The following GPC5 variants were observed in gnomAD, a reference collection of about 807,000 sequenced individuals.
GPC5 encodes glypican 5.
In GPC5, 47 loss-of-function variants were observed where a neutral mutation model predicts 53.9. The ratio of observed to expected loss-of-function variants is 0.87; its 90% CI spans 0.69 to 1.11. The LOEUF (loss-of-function observed/expected upper bound fraction) is 1.11, where lower values mean the gene tolerates loss of function less well. GPC5 is among the 50% of genes most tolerant of loss of function. The probability of loss-of-function intolerance (pLI) is 0.00; values close to 1 mark genes in which losing one functional copy is unlikely to be tolerated. For synonymous variants in GPC5, 286 were observed against 263.3 expected (o/e 1.09, Z -0.84); for missense variants, 748 against 713.1 (o/e 1.05, Z -0.56).
chr13:92,635,293 T>C (rs1487924631), intron 7 of GPC5, among the ~76,000 whole-genome samples: 2 of 152,232 alleles, frequency 1.3e-5, no homozygotes, highest in African/African-American at 4.8e-5. Flanking sequence ...CAGCCCATGT[T>C]ATGCTGCTAT....
intron 7 of GPC5, among the ~76,000 whole-genome samples, chr13:92,429,001 T>TG (rs1036922061): frequency 6.6e-6 from 1 of 152,026 alleles, no homozygotes; most frequent in Non-Finnish European, 1.5e-5. Flanking sequence ...TGGCTAGCTT[T>TG]GGGGGGACAA....
intron 3 of GPC5, among the ~76,000 whole-genome samples, chr13:91,710,561 G>A (rs771851198): frequency 2.0e-5 from 3 of 152,112 alleles, no homozygotes; most frequent in Non-Finnish European, 4.4e-5. Flanking sequence ...ATTCTAAATA[G>A]CTCTGGGAGT....
intron 6 of GPC5, among the ~76,000 whole-genome samples, chr13:92,017,956 C>T (rs1000892628): frequency 2.0e-5 from 3 of 151,604 alleles, no homozygotes; most frequent in Non-Finnish European, 2.9e-5. Flanking sequence ...TACACATGCA[C>T]GAGTACATAC....
chr13:92,223,574 G>A (rs1852537011), intron 7 of GPC5, among the ~76,000 whole-genome samples: 1 of 151,178 alleles, frequency 6.6e-6, no homozygotes, highest in Non-Finnish European at 1.5e-5. Context: ...TAGAAAGTAT[G>A]TTTCAAGTGA....
intron 2 of GPC5, among the ~76,000 whole-genome samples, chr13:91,537,464 C>T (rs1886644203): frequency 6.6e-6 from 1 of 152,028 alleles, no homozygotes; most frequent in East Asian, 1.9e-4. Context: ...TGCAAGCTAC[C>T]AAAATTTAGT....
intron 6 of GPC5, among the ~76,000 whole-genome samples, chr13:92,046,445 A>G (rs1388313278): frequency 2.0e-5 from 3 of 152,190 alleles, no homozygotes; most frequent in Non-Finnish European, 2.9e-5. Context: ...AGGAGTTTCA[A>G]TTGGATACTA....
At chr13:92,644,121 A>G (rs994803285) in intron 7 of GPC5, among the ~76,000 whole-genome samples, 3 of 152,184 alleles carry the variant, frequency 2.0e-5, no homozygotes, top group Admixed American at 6.6e-5. Context: ...GATTTTTAAG[A>G]AAGTGTGCAC....
chr13:91,493,885 TTTTA>T (rs1884079461), intron 2 of GPC5, among the ~76,000 whole-genome samples: 1 of 151,860 alleles, frequency 6.6e-6, no homozygotes, highest in African/African-American at 2.4e-5. Flanking sequence ...TTCTATTTTT[TTTTA>T]TTTAAGACAG....
intron 5 of GPC5, among the ~76,000 whole-genome samples, chr13:91,851,787 G>A (rs1052710879): frequency 1.3e-4 from 19 of 141,516 alleles, no homozygotes; most frequent in Non-Finnish European, 2.7e-4. Context: ...TACTGAGAAT[G>A]ATGATTTCCA....
intron 2 of GPC5, among the ~76,000 whole-genome samples, chr13:91,501,680 A>C (rs1361426258): frequency 6.6e-6 from 1 of 152,162 alleles, no homozygotes; most frequent in Non-Finnish European, 1.5e-5. Context: ...AGTCTTTGCT[A>C]TTGTGAATAA....
chr13:92,858,793 C>T (rs1183729989), intron 7 of GPC5, among the ~76,000 whole-genome samples: 1 of 151,842 alleles, frequency 6.6e-6, no homozygotes, highest in African/African-American at 2.4e-5. Context: ...CACATGTACC[C>T]CATGAAACTA....
chr13:91,756,253 T>C (rs2037289798), intron 4 of GPC5, 42 bp from the exon 5 acceptor site: 2 of 1,431,506 alleles, frequency 1.4e-6, no homozygotes, highest in African/African-American at 1.4e-5. Flanking sequence ...GCCTTTATTG[T>C]GGATGTTTGG....
chr13:92,201,418 T>TCATAGAAGATATCTTTAAAA (rs1409421196), intron 7 of GPC5, among the ~76,000 whole-genome samples: 1 of 152,224 alleles, frequency 6.6e-6, no homozygotes, highest in Non-Finnish European at 1.5e-5. Context: ...GGTTCAACTG[T>TCATAGAAGATATCTTTAAAA]CATAGAAGAT....
At chr13:91,748,233 TC>T (rs2037094629) in intron 4 of GPC5, among the ~76,000 whole-genome samples, 1 of 152,222 alleles carries the variant, frequency 6.6e-6, no homozygotes, top group Admixed American at 6.5e-5. Flanking sequence ...TATTAATGTG[TC>T]ACTACATATT....
rs370081485 is a variant in GPC5 at position 92,342,443 on chromosome 13, G to C, written c.1561+197454G>C. ...AATGTGGGGTCTTTGGGAGGTGTTT[G>C]AGTCATGAGTCCTCCGCCCTCATGA... is the stretch of plus-strand genomic sequence containing the variant. On this transcript the variant is annotated intron_variant, in intron 7 of 7. Transcript: ENST00000377067. Among the ~76,000 whole-genome samples, 25 of 152,148 alleles carry C rather than the reference G, an allele frequency of 1.6e-4. 1 individual carries two copies. In the South Asian group the frequency reaches 5.2e-3, roughly 32 times the overall value.
At chr13:91,586,196 T>C (rs1367938452) in intron 2 of GPC5, among the ~76,000 whole-genome samples, 1 of 151,648 alleles carries the variant, frequency 6.6e-6, no homozygotes, top group Non-Finnish European at 1.5e-5. Context: ...CAGTTTTATA[T>C]AGACTTATTT....
chr13:92,399,646 C>G (rs143801122), intron 7 of GPC5, among the ~76,000 whole-genome samples: 1 of 152,300 alleles, frequency 6.6e-6, no homozygotes, highest in East Asian at 1.9e-4. Context: ...ATGTGCATTT[C>G]TCATTAGGCA....
chr13:92,357,187 G>A (rs1349041967), intron 7 of GPC5, among the ~76,000 whole-genome samples: 2 of 151,758 alleles, frequency 1.3e-5, no homozygotes, highest in Non-Finnish European at 2.9e-5. Flanking sequence ...ACATGTGCAT[G>A]TGTCTTTATG....
chr13:91,644,311 G>T (rs72643208), intron 2 of GPC5, among the ~76,000 whole-genome samples: 1 of 152,092 alleles, frequency 6.6e-6, no homozygotes, highest in African/African-American at 2.4e-5. Flanking sequence ...ATCCAACGTC[G>T]CATAGACAGT....
Sources: gnomAD v4.1 joint callset for allele counts (sites outside exome capture counted in the v4.1 genomes callset) on GRCh38, gnomAD v4.1.1 for gene constraint, MANE v1.5 for transcripts, NCBI Gene and HGNC (gene_info 2026-07-23, HGNC 2026-07-21) for gene names.